DCBLD2: variants seen among roughly 807,000 people sequenced by gnomAD.
The protein encoded by DCBLD2 is discoidin, CUB and LCCL domain-containing protein 2.
Under a neutral mutation model 86.8 loss-of-function variants are expected in DCBLD2, and 54 were observed. The observed-to-expected ratio is 0.62, with a 90% CI of 0.50 to 0.78. DCBLD2 has a LOEUF of 0.78. Ranked by LOEUF, DCBLD2 falls within the 30% of genes least tolerant of loss-of-function variation. The pLI, the probability that DCBLD2 is intolerant of heterozygous loss-of-function variation, is 0.00. For synonymous variants in DCBLD2, 354 were observed against 341.3 expected (o/e 1.04, Z -0.41); for missense variants, 908 against 954.2 (o/e 0.95, Z 0.64).
intron 2 of DCBLD2, among the ~76,000 whole-genome samples, chr3:98,867,333 C>G (rs1403728742): frequency 6.6e-6 from 1 of 152,292 alleles, no homozygotes; most frequent in South Asian, 2.1e-4. Flanking sequence ...TTCTTCCTAT[C>G]CATGAGCATG....
At chr3:98,829,360 G>C (rs1208520982) in intron 3 of DCBLD2, among the ~76,000 whole-genome samples, 1 of 152,036 alleles carries the variant, frequency 6.6e-6, no homozygotes. Context: ...GTGTCATGGG[G>C]GTTTGCTGTA....
At chr3:98,844,454 TACAA>T (rs774689476) in intron 3 of DCBLD2, among the ~76,000 whole-genome samples, 39 of 151,596 alleles carry the variant, frequency 2.6e-4, no homozygotes, top group Non-Finnish European at 4.7e-4. Flanking sequence ...GCCTCCCGGG[TACAA>T]ACAAACGATT....
chr3:98,841,706 T>C (rs1253055889), intron 3 of DCBLD2, among the ~76,000 whole-genome samples: 1 of 152,214 alleles, frequency 6.6e-6, no homozygotes, highest in Non-Finnish European at 1.5e-5. Flanking sequence ...GTTGGTATAA[T>C]GACAACTATA....
chr3:98,876,324 C>T (rs1943367773), intron 2 of DCBLD2, among the ~76,000 whole-genome samples: 1 of 146,574 alleles, frequency 6.8e-6, no homozygotes, highest in Non-Finnish European at 1.5e-5. Context: ...GGGTTTGAGG[C>T]CAGCCTGAGC....
intron 3 of DCBLD2, among the ~76,000 whole-genome samples, chr3:98,838,413 G>A (rs1212656323): frequency 7.9e-5 from 10 of 126,152 alleles, no homozygotes; most frequent in South Asian, 3.3e-4. Context: ...CAGATGGGGC[G>A]GCGGGGCAGA....
intron 2 of DCBLD2, among the ~76,000 whole-genome samples, chr3:98,860,857 C>A (rs544891270): frequency 6.6e-6 from 1 of 152,296 alleles, no homozygotes; most frequent in South Asian, 2.1e-4. Context: ...ATGACAGGAT[C>A]AAATTCACAC....
At chr3:98,844,443 C>T (rs769960215) in intron 3 of DCBLD2, among the ~76,000 whole-genome samples, 18 of 151,616 alleles carry the variant, frequency 1.2e-4, no homozygotes, top group Non-Finnish European at 2.1e-4. Context: ...CTGCAACCTT[C>T]GCCTCCCGGG....
At chr3:98,891,038 C>A (rs968051841) in intron 1 of DCBLD2, among the ~76,000 whole-genome samples, 3 of 152,030 alleles carry the variant, frequency 2.0e-5, no homozygotes, top group African/African-American at 7.2e-5. Flanking sequence ...AAATGTCAGA[C>A]AAGACCCCTG....
At chr3:98,842,451 A>G (rs775498390) in intron 3 of DCBLD2, among the ~76,000 whole-genome samples, 6 of 152,348 alleles carry the variant, frequency 3.9e-5, no homozygotes, top group Middle Eastern at 3.4e-3. Context: ...TTACATATAT[A>G]GTATAGTACA....
At chr3:98,860,607 T>G (rs1018086506) in intron 2 of DCBLD2, among the ~76,000 whole-genome samples, 1 of 152,194 alleles carries the variant, frequency 6.6e-6, no homozygotes, top group African/African-American at 2.4e-5. Flanking sequence ...ACCCGGAATT[T>G]CATATCCAGC....
intron 1 of DCBLD2, among the ~76,000 whole-genome samples, chr3:98,882,038 A>G (rs1453400520): frequency 1.3e-5 from 2 of 152,192 alleles, no homozygotes; most frequent in Non-Finnish European, 2.9e-5. Context: ...CTGAAACTAC[A>G]TAATTTTGTT....
chr3:98,819,180 T>C (rs1435279453), intron 8 of DCBLD2, 22 bp downstream of exon 8: 7 of 1,532,192 alleles, frequency 4.6e-6, no homozygotes, highest in Non-Finnish European at 3.5e-6. Context: ...CAAATTGCTT[T>C]AGAAAATTTT....
At chr3:98,871,720 T>C (rs1187000229) in intron 2 of DCBLD2, among the ~76,000 whole-genome samples, 8 of 152,160 alleles carry the variant, frequency 5.3e-5, no homozygotes, top group Non-Finnish European at 1.5e-5. Flanking sequence ...ATTAGGAATA[T>C]TGGTCTGCAG....
intron 2 of DCBLD2, among the ~76,000 whole-genome samples, chr3:98,860,338 G>C (rs1478541782): frequency 6.6e-6 from 1 of 152,156 alleles, no homozygotes; most frequent in Non-Finnish European, 1.5e-5. Flanking sequence ...AACCTAGCAA[G>C]GCAGGCCAAC....
chr3:98,865,590 T>C (rs1345934469), intron 2 of DCBLD2, among the ~76,000 whole-genome samples: 1 of 152,224 alleles, frequency 6.6e-6, no homozygotes, highest in Admixed American at 6.5e-5. Flanking sequence ...ATTTTTTAAG[T>C]GTTCTCACCA....
At chr3:98,876,681 A>G (rs1011510432) in intron 2 of DCBLD2, among the ~76,000 whole-genome samples, 1 of 152,008 alleles carries the variant, frequency 6.6e-6, no homozygotes, top group African/African-American at 2.4e-5. Flanking sequence ...TGACTCAGCA[A>G]TCACTTCAGG....
intron 2 of DCBLD2, among the ~76,000 whole-genome samples, chr3:98,877,531 T>A (rs949732205): frequency 1.3e-5 from 2 of 152,186 alleles, no homozygotes; most frequent in African/African-American, 4.8e-5. Flanking sequence ...TGCATTAGTA[T>A]TAAAGGTATC....
intron 4 of DCBLD2, among the ~76,000 whole-genome samples, chr3:98,824,156 A>G (rs111427999): frequency 6.6e-6 from 1 of 152,180 alleles, no homozygotes; most frequent in African/African-American, 2.4e-5. Context: ...TATGGTGAAG[A>G]GTATGGAATA....
chr3:98,800,528 C>T, intron 15 of DCBLD2, 51 bp downstream of exon 15: 1 of 1,561,510 alleles, frequency 6.4e-7, no homozygotes, highest in Non-Finnish European at 8.7e-7. Context: ...TTATAGCAAG[C>T]CTAAGCAGTT....
Sources: gnomAD v4.1 joint callset for allele counts (sites outside exome capture counted in the v4.1 genomes callset) on GRCh38, gnomAD v4.1.1 for gene constraint, MANE v1.5 for transcripts, NCBI Gene and HGNC (gene_info 2026-07-23, HGNC 2026-07-21) for gene names.